The following HYDIN variants were observed in gnomAD, a reference collection of about 807,000 sequenced individuals.
HYDIN encodes HYDIN axonemal central pair apparatus protein, also known as axonemal central pair apparatus protein HYDIN.
A neutral mutation model predicts 403.9 loss-of-function variants in HYDIN; 132 were observed. The observed-to-expected ratio is 0.33, with a 90% CI of 0.28 to 0.38. HYDIN has a LOEUF of 0.38. HYDIN is among the 10% of genes least tolerant of loss of function. The probability of loss-of-function intolerance (pLI) is 1.00; values close to 1 mark genes in which losing one functional copy is unlikely to be tolerated. For synonymous variants in HYDIN, 1,202 were observed against 1,891.7 expected (o/e 0.64, Z 9.46); for missense variants, 2,827 against 5,009.5 (o/e 0.56, Z 13.15).
At chr16:71,057,687 A>C (rs1308262712) in intron 18 of HYDIN, among the ~76,000 whole-genome samples, 2 of 151,720 alleles carry the variant, frequency 1.3e-5, no homozygotes, top group Non-Finnish European at 2.9e-5. Flanking sequence ...AAATTTTCGC[A>C]ACCTACTCAT....
intron 47 of HYDIN, among the ~76,000 whole-genome samples, chr16:70,913,437 G>A (rs1442176870): frequency 6.6e-6 from 1 of 151,356 alleles, no homozygotes. Context: ...GCATGGCTTT[G>A]AAGGTTCCTT....
chr16:70,924,841 A>G (rs371359622), intron 45 of HYDIN, among the ~76,000 whole-genome samples: 8 of 99,658 alleles, frequency 8.0e-5, no homozygotes, highest in Non-Finnish European at 1.6e-4. Context: ...CAGGAAGAAT[A>G]GTTAATAAAC....
chr16:71,202,676 T>C (rs1422439589), intron 1 of HYDIN, among the ~76,000 whole-genome samples: 2 of 152,212 alleles, frequency 1.3e-5, no homozygotes, highest in Admixed American at 6.5e-5. Flanking sequence ...TGTCTTCTCA[T>C]ATGCATATAT....
At position 70,899,753 on chromosome 16, in the gene HYDIN, T is replaced by A. The variant is rs556059548; in HGVS notation, c.9048+1251A>T. 1.6e-4 allele frequency among the ~76,000 whole-genome samples: 25 copies of A among 152,356 alleles called. No individual in the cohort carries two copies. In the South Asian group the frequency reaches 5.0e-3, roughly 30 times the overall value. On this transcript the variant is annotated intron_variant, in intron 53 of 85. Coordinates refer to ENST00000393567, the MANE Select transcript of HYDIN (RefSeq NM_001270974.2). ...GGAAGACGGGGTGGGTTATTGCACG[T>A]AAGAGGGATTCTCTCAAAGGGATGA...
intron 52 of HYDIN, among the ~76,000 whole-genome samples, chr16:70,902,004 GA>G (rs1200076695): frequency 9.3e-5 from 14 of 150,162 alleles, no homozygotes; most frequent in South Asian, 6.4e-4. Context: ...GTGTTTCATT[GA>G]AAAAAAAATT....
chr16:71,053,450 T>G lies in HYDIN; in HGVS notation c.2529+7054A>C, dbSNP rs568989293. 1.1e-4 allele frequency among the ~76,000 whole-genome samples: 16 copies of G among 152,258 alleles called. No individual in the cohort carries two copies. In the South Asian group the frequency reaches 3.3e-3, roughly 32 times the overall value. On this transcript the variant is annotated intron_variant, in intron 18 of 85. Transcript: ENST00000393567. ...CAAGTAGGCAAAGAAATAAACATAA[T>G]AAGTGGTAAATGGAGTATCCACAGC...
At chr16:71,230,505 G>GGTTA in intron 1 of HYDIN, 57 bp downstream of exon 1, 1 of 1,473,990 alleles carries the variant, frequency 6.8e-7, no homozygotes, top group Non-Finnish European at 9.0e-7. Flanking sequence ...GGGACGCCCC[G>GGTTA]GTTAGCCCCC....
At chr16:70,876,882 C>G (rs2143670702) in intron 62 of HYDIN, among the ~76,000 whole-genome samples, 1 of 151,534 alleles carries the variant, frequency 6.6e-6, no homozygotes, top group East Asian at 1.9e-4. Flanking sequence ...GAAAGAGCCA[C>G]AATGACTGTG....
intron 83 of HYDIN, among the ~76,000 whole-genome samples, chr16:70,821,932 T>C (rs1170307918): frequency 6.6e-6 from 1 of 152,118 alleles, no homozygotes; most frequent in Non-Finnish European, 1.5e-5. Flanking sequence ...TCTTTCAAAA[T>C]ATTACTTCTC....
intron 21 of HYDIN, among the ~76,000 whole-genome samples, chr16:71,021,606 G>A (rs1235545011): frequency 6.6e-6 from 1 of 151,912 alleles, no homozygotes; most frequent in Non-Finnish European, 1.5e-5. Flanking sequence ...TCTGATGTTG[G>A]GGCCCACATT....
At chr16:71,087,045 T>C (rs2082950258) in intron 12 of HYDIN, among the ~76,000 whole-genome samples, 2 of 151,638 alleles carry the variant, frequency 1.3e-5, no homozygotes, top group Admixed American at 1.3e-4. Context: ...CATTTTTCTC[T>C]TATAACAAAC....
In HYDIN at chr16:70,804,010, C is replaced by T. The variant is rs544002770; in HGVS notation, c.*3570G>A. ...AATGGATTCTCCAATGTAACTTCCA[C>T]AAGCATGTGTTGGAAGGGTTATTTT... On this transcript the variant is annotated 3_prime_UTR_variant, in exon 86 of 86. Coordinates refer to ENST00000393567, the MANE Select transcript of HYDIN (RefSeq NM_001270974.2). Among the ~76,000 whole-genome samples the T allele has an allele frequency of 3.3e-5, 5 of 152,232 alleles. No homozygotes were observed. The South Asian group carries it at 1.0e-3, about 32-fold the overall frequency.
chr16:71,019,296 A>ACAGGAATG (rs2080382815), intron 22 of HYDIN, among the ~76,000 whole-genome samples: 1 of 152,276 alleles, frequency 6.6e-6, no homozygotes, highest in Non-Finnish European at 1.5e-5. Flanking sequence ...AAGAATGGAC[A>ACAGGAATG]CAGGAATGAA....
At chr16:70,840,379 G>T (rs1211956072) in intron 75 of HYDIN, 146 bp from the exon 76 acceptor site, 1 of 575,804 alleles carries the variant, frequency 1.7e-6, no homozygotes, top group African/African-American at 2.0e-5. Flanking sequence ...AATTCAGTAG[G>T]TTAGAAGTTT....
intron 46 of HYDIN, 146 bp downstream of exon 46, chr16:70,920,445 A>G: frequency 1.7e-6 from 1 of 594,666 alleles, no homozygotes. Context: ...TCCTTTAGTC[A>G]TTATTGTCTT....
chr16:71,118,203 C>T (rs559640987), intron 9 of HYDIN, among the ~76,000 whole-genome samples: 1 of 151,984 alleles, frequency 6.6e-6, no homozygotes, highest in East Asian at 1.9e-4. Flanking sequence ...TCTCTGAAGC[C>T]CTGGTACTGG....
chr16:71,047,192 C>CT (rs2081477326), intron 18 of HYDIN, among the ~76,000 whole-genome samples: 1 of 151,830 alleles, frequency 6.6e-6, no homozygotes, highest in Non-Finnish European at 1.5e-5. Context: ...CTGAACAGCC[C>CT]TTAGTGACAA....
At chr16:71,010,489 A>G (rs1051569125) in intron 23 of HYDIN, among the ~76,000 whole-genome samples, 8 of 152,032 alleles carry the variant, frequency 5.3e-5, no homozygotes, top group Non-Finnish European at 8.8e-5. Flanking sequence ...ATGGCCTGGT[A>G]TCAACATCAG....
At chr16:71,011,737 T>A (rs916224618) in intron 23 of HYDIN, among the ~76,000 whole-genome samples, 5 of 151,442 alleles carry the variant, frequency 3.3e-5, no homozygotes, top group African/African-American at 1.2e-4. Context: ...AAAAAAAATC[T>A]ACTTTTGAAG....
Sources: gnomAD v4.1 joint callset for allele counts (sites outside exome capture counted in the v4.1 genomes callset) on GRCh38, gnomAD v4.1.1 for gene constraint, MANE v1.5 for transcripts, NCBI Gene and HGNC (gene_info 2026-07-23, HGNC 2026-07-21) for gene names.